The following PLD5 variants were observed in gnomAD, a reference collection of about 807,000 sequenced individuals.
PLD5 encodes the protein phospholipase D family member 5.
In PLD5, 36 loss-of-function variants were observed where a neutral mutation model predicts 61.1. The ratio of observed to expected loss-of-function variants is 0.59; its 90% confidence interval spans 0.45 to 0.78. The LOEUF (loss-of-function observed/expected upper bound fraction) is 0.78. PLD5 is among the 30% of genes least tolerant of loss of function. PLD5 has a pLI of 0.00. For missense variants in PLD5, 515 were observed against 644.4 expected (o/e 0.80, Z 2.17); for synonymous variants, 243 against 242.8 (o/e 1.00, Z -0.01).
intron 3 of PLD5, among the ~76,000 whole-genome samples, chr1:242,279,908 C>T (rs1674627733): frequency 6.6e-6 from 1 of 152,180 alleles, no homozygotes; most frequent in Admixed American, 6.5e-5. Context: ...AACTTCTTTT[C>T]ATATAAGTTG....
At chr1:242,470,665 G>A (rs1010754376) in intron 1 of PLD5, among the ~76,000 whole-genome samples, 2 of 152,130 alleles carry the variant, frequency 1.3e-5, no homozygotes, top group Non-Finnish European at 2.9e-5. Flanking sequence ...ATCAATACTC[G>A]TGGTGATGAA....
intron 9 of PLD5, among the ~76,000 whole-genome samples, chr1:242,093,514 T>G (rs1659996477): frequency 6.6e-6 from 1 of 152,176 alleles, no homozygotes; most frequent in Non-Finnish European, 1.5e-5. Flanking sequence ...AACGCCATCG[T>G]ATTGATGAGG....
chr1:242,250,771 T>G (rs1248636531), intron 4 of PLD5, among the ~76,000 whole-genome samples: 1 of 151,998 alleles, frequency 6.6e-6, no homozygotes. Flanking sequence ...CCTCATTCAG[T>G]GTGGAGAATA....
chr1:242,513,912 C>CT (rs1669017294), intron 1 of PLD5, among the ~76,000 whole-genome samples: 1 of 152,216 alleles, frequency 6.6e-6, no homozygotes, highest in South Asian at 2.1e-4. Flanking sequence ...CCCATGAGCT[C>CT]TTATTTTACA....
chr1:242,118,704 T>G (rs1662138552), intron 6 of PLD5, among the ~76,000 whole-genome samples: 1 of 152,234 alleles, frequency 6.6e-6, no homozygotes, highest in Non-Finnish European at 1.5e-5. Flanking sequence ...GTGTTCCCAC[T>G]GCCTGACACA....
At chr1:242,231,727 A>T (rs898099016) in intron 4 of PLD5, among the ~76,000 whole-genome samples, 1 of 152,210 alleles carries the variant, frequency 6.6e-6, no homozygotes, top group Middle Eastern at 3.2e-3. Context: ...CCAAAACAAT[A>T]ATTCAATAGA....
At chr1:242,516,525 A>G (rs1669109605) in intron 1 of PLD5, among the ~76,000 whole-genome samples, 1 of 152,228 alleles carries the variant, frequency 6.6e-6, no homozygotes, top group Non-Finnish European at 1.5e-5. Flanking sequence ...TAAAACACAA[A>G]TGAATACGTA....
rs1658721679 is a variant in PLD5, at chr1:242,325,600, T to G, written c.326+22506A>C. Among the ~76,000 whole-genome samples the G allele has an allele frequency of 4.0e-5, 6 of 151,888 alleles. No homozygotes were observed. The South Asian group carries it at 1.2e-3, about 32-fold the overall frequency. On this transcript the variant is annotated intron_variant, in intron 2 of 9. Coordinates refer to ENST00000536534, the MANE Select transcript of PLD5 (RefSeq NM_001372062.1). ...TCAACCTCCGCCTGCTGGGTTCAAG[T>G]TGTTGTTTTTTTTTAAATTGAATTT...
intron 2 of PLD5, among the ~76,000 whole-genome samples, chr1:242,323,805 G>T (rs1418623398): frequency 6.6e-6 from 1 of 152,076 alleles, no homozygotes; most frequent in Non-Finnish European, 1.5e-5. Context: ...GTACTAAAAT[G>T]TTTAAATGGA....
chr1:242,347,884 C>A lies in PLD5; in HGVS notation c.326+222G>T, dbSNP rs887284612. ...TGTTAGAAAAATTTTTTTGTTCCCA[C>A]CAGCCTGTAGAGAATATGACCAGAT... is the stretch of plus-strand genomic sequence containing the variant. On this transcript the variant is annotated intron_variant, in intron 2 of 9. Coordinates refer to ENST00000536534, the MANE Select transcript of PLD5 (RefSeq NM_001372062.1). Among the ~76,000 whole-genome samples, 16 of 152,122 alleles carry A rather than the reference C, an allele frequency of 1.1e-4. 1 individual carries two copies. The highest frequency in any genetic ancestry group is 1.5e-4 in the Non-Finnish European group (10 of 68,020).
chr1:242,403,600 G>A (rs997313421), intron 1 of PLD5, among the ~76,000 whole-genome samples: 1 of 152,026 alleles, frequency 6.6e-6, no homozygotes, highest in African/African-American at 2.4e-5. Flanking sequence ...CAGTAGCTGG[G>A]ATTACAGGCA....
At chr1:242,366,876 T>G (rs1166310934) in intron 1 of PLD5, among the ~76,000 whole-genome samples, 5 of 152,198 alleles carry the variant, frequency 3.3e-5, no homozygotes, top group Non-Finnish European at 5.9e-5. Context: ...ATAATTTTTG[T>G]GTTTTACAAC....
chr1:242,430,990 C>G (rs1437429411), intron 1 of PLD5, among the ~76,000 whole-genome samples: 1 of 152,196 alleles, frequency 6.6e-6, no homozygotes, highest in African/African-American at 2.4e-5. Flanking sequence ...TTCCTGAACC[C>G]AGCATCTCCT....
chr1:242,420,162 A>G (rs992133604), intron 1 of PLD5, among the ~76,000 whole-genome samples: 1 of 152,164 alleles, frequency 6.6e-6, no homozygotes, highest in East Asian at 1.9e-4. Flanking sequence ...TATGTACATG[A>G]TCTTATTAAT....
chr1:242,219,847 G>T (rs1308879568), intron 5 of PLD5, 141 bp downstream of exon 5: 8 of 1,112,744 alleles, frequency 7.2e-6, no homozygotes, highest in Non-Finnish European at 9.9e-6. Flanking sequence ...TCACATAAAA[G>T]GAAGATGAGC....
intron 5 of PLD5, among the ~76,000 whole-genome samples, chr1:242,152,515 C>T (rs1665010089): frequency 1.3e-5 from 2 of 152,144 alleles, no homozygotes; most frequent in South Asian, 2.1e-4. Context: ...AGCCCCCTAC[C>T]CCCTAACAGG....
chr1:242,084,749 GGTTT>G lies in PLD5; in HGVS notation c.*5101_*5104del, dbSNP rs1659377867. 1 of 118,952 alleles carries G rather than the reference GGTTT, an allele frequency of 8.4e-6. No individual in the cohort carries two copies. Among genetic ancestry groups the G allele is most frequent in the Admixed American group, 8.9e-5 (1 of 11,186 alleles). 7.4% of individuals were successfully genotyped at this position (118,952 alleles called of 1,614,324 possible). On this transcript the variant is annotated 3_prime_UTR_variant, in exon 10 of 10. Transcript: ENST00000536534. ...ACTCAGAATGAACATTTATTGGAAAGGTTTTTTTTTTTTTTTTTTTTTTTTTTTT... is the reference window on the plus strand; with the variant it reads ...ACTCAGAATGAACATTTATTGGAAAGTTTTTTTTTTTTTTTTTTTTTTTTT...
At chr1:242,114,135 A>T (rs541451923) in intron 6 of PLD5, 109 bp from the exon 7 acceptor site, 1 of 1,214,258 alleles carries the variant, frequency 8.2e-7, no homozygotes, top group Non-Finnish European at 1.1e-6. Context: ...ATTTTTGCAA[A>T]CCTAATTTCT....
intron 2 of PLD5, 31 bp downstream of exon 2, chr1:242,348,075 T>G (rs1181297396): frequency 6.2e-7 from 1 of 1,609,348 alleles, no homozygotes; most frequent in Admixed American, 1.7e-5. Flanking sequence ...GCCCGCCCCC[T>G]AAAAGAGAAT....
Sources: gnomAD v4.1 joint callset for allele counts (sites outside exome capture counted in the v4.1 genomes callset) on GRCh38, gnomAD v4.1.1 for gene constraint, MANE v1.5 for transcripts, NCBI Gene and HGNC (gene_info 2026-07-23, HGNC 2026-07-21) for gene names.